SORCS2: variants seen among roughly 807,000 people sequenced by gnomAD.
SORCS2 encodes sortilin related VPS10 domain containing receptor 2.
Under a neutral mutation model 141.6 loss-of-function variants are expected in SORCS2, and 100 were observed. The ratio of observed to expected loss-of-function variants is 0.71; its 90% CI spans 0.60 to 0.83. The LOEUF (loss-of-function observed/expected upper bound fraction) is 0.83. Ranked by LOEUF, SORCS2 falls within the 40% of genes least tolerant of loss-of-function variation. The probability of loss-of-function intolerance (pLI) is 0.00; values close to 1 mark genes in which losing one functional copy is unlikely to be tolerated. For missense variants in SORCS2, 1,646 were observed against 1,560.2 expected (o/e 1.05, Z -0.93); for synonymous variants, 789 against 676.9 (o/e 1.17, Z -2.57).
chr4:7,477,948 A>T (rs1031658272), intron 2 of SORCS2, among the ~76,000 whole-genome samples: 1 of 152,148 alleles, frequency 6.6e-6, no homozygotes, highest in African/African-American at 2.4e-5. Flanking sequence ...GCTATCGCGC[A>T]CACCTGCCCT....
chr4:7,433,458 G>C, intron 2 of SORCS2: 1 of 1,555,882 alleles, frequency 6.4e-7, no homozygotes, highest in Non-Finnish European at 8.7e-7. Flanking sequence ...CCAGCAGTGG[G>C]GTCCTGGGGC....
intron 1 of SORCS2, among the ~76,000 whole-genome samples, chr4:7,270,666 A>T (rs1391546492): frequency 6.6e-6 from 1 of 152,226 alleles, no homozygotes; most frequent in African/African-American, 2.4e-5. Flanking sequence ...TCCCTCCTAG[A>T]TCCATCCGTT....
intron 1 of SORCS2, among the ~76,000 whole-genome samples, chr4:7,299,994 G>A (rs1310802232): frequency 6.6e-6 from 1 of 152,186 alleles, no homozygotes; most frequent in Non-Finnish European, 1.5e-5. Flanking sequence ...AGGAGTCAGG[G>A]CTTGGTCAAA....
chr4:7,452,677 C>G (rs1728542215), intron 2 of SORCS2, among the ~76,000 whole-genome samples: 1 of 152,236 alleles, frequency 6.6e-6, no homozygotes, highest in Non-Finnish European at 1.5e-5. Flanking sequence ...TGGCTTACCA[C>G]TCTGTGCCTC....
At chr4:7,625,757 G>C (rs995315461) in intron 3 of SORCS2, among the ~76,000 whole-genome samples, 1 of 152,054 alleles carries the variant, frequency 6.6e-6, no homozygotes, top group African/African-American at 2.4e-5. Flanking sequence ...AAGAGAAGGA[G>C]GGAGGGAGGG....
intron 1 of SORCS2, among the ~76,000 whole-genome samples, chr4:7,284,042 C>G (rs10004527): frequency 0.24 from 36,047 of 152,050 alleles, 4,526 homozygotes; most frequent in Non-Finnish European, 0.27. Flanking sequence ...GATCTGGGGA[C>G]ACCTGGAGTA....
intron 2 of SORCS2, among the ~76,000 whole-genome samples, chr4:7,457,250 C>T (rs188437843): frequency 7.9e-5 from 12 of 152,344 alleles, no homozygotes; most frequent in Admixed American, 3.3e-4. Flanking sequence ...AGCCTGTCAT[C>T]TCCATGTAGA....
chr4:7,345,875 C>CTTTT (rs1720625290), intron 1 of SORCS2, among the ~76,000 whole-genome samples: 1 of 152,212 alleles, frequency 6.6e-6, no homozygotes, highest in African/African-American at 2.4e-5. Context: ...AGTTTTCCCT[C>CTTTT]CGGTGGGTAC....
chr4:7,690,986 G>A (rs779359467), intron 11 of SORCS2, among the ~76,000 whole-genome samples: 31 of 152,286 alleles, frequency 2.0e-4, no homozygotes, highest in African/African-American at 4.8e-4. Context: ...GTCTGAGGTC[G>A]CTTGGCTGGT....
At chr4:7,548,249 A>G (rs890505218) in intron 3 of SORCS2, among the ~76,000 whole-genome samples, 2 of 152,142 alleles carry the variant, frequency 1.3e-5, no homozygotes, top group Non-Finnish European at 2.9e-5. Flanking sequence ...TCTGGAATAC[A>G]TTGGGAAGTC....
At chr4:7,498,583 G>A (rs976248633) in intron 2 of SORCS2, among the ~76,000 whole-genome samples, 1 of 152,236 alleles carries the variant, frequency 6.6e-6, no homozygotes, top group Non-Finnish European at 1.5e-5. Context: ...GGCAGAGCTG[G>A]GTGAGGCCCC....
chr4:7,367,750 G>A (rs1042277074), intron 1 of SORCS2, among the ~76,000 whole-genome samples: 12 of 152,310 alleles, frequency 7.9e-5, no homozygotes, highest in Non-Finnish European at 1.5e-4. Flanking sequence ...TTGAATTCAC[G>A]CAGTTTATTT....
At chr4:7,268,679 G>A (rs1714911332) in intron 1 of SORCS2, among the ~76,000 whole-genome samples, 1 of 152,224 alleles carries the variant, frequency 6.6e-6, no homozygotes, top group African/African-American at 2.4e-5. Context: ...TGAAGGGAGT[G>A]CCCAGGGTGG....
At chr4:7,606,130 G>C (rs984726494) in intron 3 of SORCS2, among the ~76,000 whole-genome samples, 1 of 152,142 alleles carries the variant, frequency 6.6e-6, no homozygotes, top group African/African-American at 2.4e-5. Flanking sequence ...ACCCCTTCTT[G>C]ATAATAACTT....
intron 1 of SORCS2, among the ~76,000 whole-genome samples, chr4:7,320,139 CA>C (rs58738443): frequency 3.3e-4 from 50 of 151,162 alleles, no homozygotes; most frequent in African/African-American, 1.2e-3. Flanking sequence ...TTTGTCTCTA[CA>C]AAAAAAATGA....
chr4:7,674,367 A>G (rs1722972665), intron 8 of SORCS2, among the ~76,000 whole-genome samples: 1 of 151,846 alleles, frequency 6.6e-6, no homozygotes, highest in African/African-American at 2.4e-5. Flanking sequence ...AGTTCAGGAG[A>G]TTGAGACCAT....
At chr4:7,569,476 C>A (rs1366952275) in intron 3 of SORCS2, among the ~76,000 whole-genome samples, 3 of 152,218 alleles carry the variant, frequency 2.0e-5, no homozygotes, top group East Asian at 1.9e-4. Context: ...CGCATTACTT[C>A]ACTCCAGCCT....
At chr4:7,277,838 G>C (rs758105182) in intron 1 of SORCS2, among the ~76,000 whole-genome samples, 12 of 152,172 alleles carry the variant, frequency 7.9e-5, no homozygotes, top group Non-Finnish European at 1.5e-4. Flanking sequence ...GTGCACTGGG[G>C]CTTTGGACCT....
At chr4:7,729,781 A>C in intron 23 of SORCS2, 69 bp downstream of exon 23, 2 of 1,553,804 alleles carry the variant, frequency 1.3e-6, no homozygotes, top group Non-Finnish European at 8.8e-7. Context: ...ATTTACAACA[A>C]GCAGGGACGT....
Sources: gnomAD v4.1 joint callset for allele counts (sites outside exome capture counted in the v4.1 genomes callset) on GRCh38, gnomAD v4.1.1 for gene constraint, MANE v1.5 for transcripts, NCBI Gene and HGNC (gene_info 2026-07-23, HGNC 2026-07-21) for gene names.